Variants in ATP1B1 observed in about 807,000 individuals in gnomAD.
ATP1B1 encodes sodium/potassium-transporting ATPase subunit beta-1.
In ATP1B1, 3 loss-of-function variants were observed where a neutral mutation model predicts 39.6. The ratio of observed to expected loss-of-function variants is 0.08; its 90% confidence interval spans 0.03 to 0.20. The LOEUF (loss-of-function observed/expected upper bound fraction) is 0.20. ATP1B1 is among the 10% of genes least tolerant of loss of function. The pLI is 1.00. For missense variants in ATP1B1, 216 were observed against 371.1 expected, an observed-to-expected ratio of 0.58 and a Z score of 3.43; for synonymous variants, 139 against 135.0, an observed-to-expected ratio of 1.03 and a Z score of -0.20.
At chr1:169,113,657 G>C (rs1200142) in intron 2 of ATP1B1, among the ~76,000 whole-genome samples, 47,996 of 151,896 alleles carry the variant, frequency 0.32, 8,106 homozygotes, top group African/African-American at 0.44. Flanking sequence ...ACCCTCTCAC[G>C]GTGCCTCCCT....
intron 2 of ATP1B1, among the ~76,000 whole-genome samples, chr1:169,123,718 C>T (rs1400844095): frequency 6.6e-6 from 1 of 151,836 alleles, no homozygotes; most frequent in Admixed American, 6.6e-5. Flanking sequence ...CCTCCGCCTC[C>T]CGGGTTCAAG....
At chr1:169,108,260 GTTTTATATTTTA>G (rs1657647523) in intron 1 of ATP1B1, 2 of 152,094 alleles carry the variant, frequency 1.3e-5, no homozygotes, top group Admixed American at 6.5e-5. Context: ...TTTAGCTTTT[GTTTTATATTTTA>G]TTTTGGGGAG....
intron 4 of ATP1B1, among the ~76,000 whole-genome samples, chr1:169,129,702 T>G (rs1434073065): frequency 6.6e-6 from 1 of 152,244 alleles, no homozygotes; most frequent in Non-Finnish European, 1.5e-5. Flanking sequence ...TGGGTTGACT[T>G]AGTTTTCAGT....
At chr1:169,129,130 A>G (rs1038925538) in intron 4 of ATP1B1, among the ~76,000 whole-genome samples, 7 of 152,194 alleles carry the variant, frequency 4.6e-5, no homozygotes, top group African/African-American at 1.7e-4. Context: ...CTAGACGATC[A>G]TTTTCTTGCA....
intron 2 of ATP1B1, 121 bp from the exon 3 acceptor site, chr1:169,124,763 C>A: frequency 8.9e-7 from 1 of 1,122,894 alleles, no homozygotes. Flanking sequence ...ACAAGGGAGG[C>A]AAGACCCTTT....
intron 2 of ATP1B1, among the ~76,000 whole-genome samples, chr1:169,124,085 T>G (rs907859099): frequency 3.9e-5 from 6 of 152,240 alleles, no homozygotes; most frequent in Middle Eastern, 3.2e-3. Flanking sequence ...TGTGATGGAC[T>G]TTTCCAACCA....
In ATP1B1 at chr1:169,119,247, A is replaced by C. The variant is rs2840330; in HGVS notation, c.227-5637A>C. 5.3e-3 allele frequency among the ~76,000 whole-genome samples: 809 copies of C among 152,324 alleles called. 8 individuals are homozygous for C. Among genetic ancestry groups the C allele is most frequent in the African/African-American group, 0.018 (763 of 41,552 alleles). On this transcript the variant is annotated intron_variant, in intron 2 of 5. Coordinates refer to ENST00000367815, the MANE Select transcript of ATP1B1 (RefSeq NM_001677.4). ...ATTGAAAACCAAATATTAAAATTTT[A>C]CATACCCAGATTATGATTTCTGCCT...
intron 2 of ATP1B1, among the ~76,000 whole-genome samples, chr1:169,116,503 A>G (rs1360252423): frequency 1.3e-5 from 2 of 152,168 alleles, no homozygotes; most frequent in Non-Finnish European, 2.9e-5. Flanking sequence ...CCACACTGGC[A>G]CCACCAGCAG....
At chr1:169,125,785 G>A (rs1658073023) in intron 3 of ATP1B1, among the ~76,000 whole-genome samples, 1 of 152,070 alleles carries the variant, frequency 6.6e-6, no homozygotes, top group Non-Finnish European at 1.5e-5. Context: ...ACCAACCTGG[G>A]CAACACAGTG....
intron 2 of ATP1B1, among the ~76,000 whole-genome samples, chr1:169,123,573 A>ATC (rs2101788033): frequency 2.1e-5 from 1 of 46,844 alleles, no homozygotes; most frequent in African/African-American, 5.6e-5. Context: ...CAGTTAAACT[A>ATC]TATCTCTCTC....
intron 3 of ATP1B1, among the ~76,000 whole-genome samples, chr1:169,125,740 G>A (rs2101790163): frequency 6.6e-6 from 1 of 152,278 alleles, no homozygotes; most frequent in East Asian, 1.9e-4. Context: ...TTGGGAGGCT[G>A]AGGAGGGAGG....
intron 2 of ATP1B1, among the ~76,000 whole-genome samples, chr1:169,120,666 A>C (rs895618150): frequency 1.3e-5 from 2 of 152,326 alleles, no homozygotes; most frequent in Non-Finnish European, 2.9e-5. Flanking sequence ...AAGATTCTTC[A>C]AGCAGCCTGC....
chr1:169,117,530 A>G (rs539023626), intron 2 of ATP1B1, among the ~76,000 whole-genome samples: 2 of 152,314 alleles, frequency 1.3e-5, no homozygotes, highest in African/African-American at 4.8e-5. Flanking sequence ...CAGAGACCTG[A>G]TAAGTAGGAA....
At chr1:169,118,492 A>C (rs1410298797) in intron 2 of ATP1B1, among the ~76,000 whole-genome samples, 2 of 152,148 alleles carry the variant, frequency 1.3e-5, no homozygotes, top group African/African-American at 4.8e-5. Context: ...CAGAAAGTGC[A>C]AAGGCGCCTT....
At chr1:169,122,107 A>G (rs781393021) in intron 2 of ATP1B1, among the ~76,000 whole-genome samples, 1 of 152,116 alleles carries the variant, frequency 6.6e-6, no homozygotes, top group Non-Finnish European at 1.5e-5. Flanking sequence ...TACTTGGAGG[A>G]GGTTCCTGCA....
Position 169,131,838 on chromosome 1 carries a change from A to G in ATP1B1, c.*283A>G, listed in dbSNP as rs1658228000. The G allele has an allele frequency of 4.8e-6, 2 of 418,142 alleles. No individual in the cohort carries two copies. Among genetic ancestry groups the G allele is most frequent in the Non-Finnish European group, 8.5e-6 (2 of 234,470 alleles). 25.9% of individuals were successfully genotyped at this position (418,142 alleles called of 1,614,324 possible). On this transcript the variant is annotated 3_prime_UTR_variant, in exon 6 of 6. Transcript: ENST00000367815. The surrounding 1 kb of genome is among the most constrained non-coding windows in gnomAD (Gnocchi z 4.4). ...TATGATTCCGTAACTGACTTGTAGTAAGCAGTGTTTCTGGCCCCTAAGTAT... is the reference window on the plus strand; with the variant it reads ...TATGATTCCGTAACTGACTTGTAGTGAGCAGTGTTTCTGGCCCCTAAGTAT...
chr1:169,113,970 C>T (rs67777478), intron 2 of ATP1B1, among the ~76,000 whole-genome samples: 24,529 of 151,992 alleles, frequency 0.16, 2,147 homozygotes, highest in African/African-American at 0.23. Context: ...TGGGGTTTTT[C>T]GGGGGCCTTT....
At chr1:169,129,037 C>T (rs3766045) in intron 4 of ATP1B1, among the ~76,000 whole-genome samples, 18,250 of 152,168 alleles carry the variant, frequency 0.12, 2,304 homozygotes, top group East Asian at 0.73. Flanking sequence ...AGGATAGATT[C>T]TGGCAACTTC....
At chr1:169,108,521 G>A (rs1657654452) in intron 1 of ATP1B1, among the ~76,000 whole-genome samples, 1 of 152,102 alleles carries the variant, frequency 6.6e-6, no homozygotes, top group African/African-American at 2.4e-5. Flanking sequence ...CAGGGGCAGG[G>A]GCTGCATTGA....
Sources: gnomAD v4.1 joint callset for allele counts (sites outside exome capture counted in the v4.1 genomes callset) on GRCh38, gnomAD v4.1.1 for gene constraint, Gnocchi (gnomAD v3.1) non-coding constraint, MANE v1.5 for transcripts, NCBI Gene and HGNC (gene_info 2026-07-23, HGNC 2026-07-21) for gene names.